Variants in MOCOS observed in about 807,000 individuals in gnomAD.
MOCOS encodes the protein molybdenum cofactor sulfurase.
A neutral mutation model predicts 83.6 loss-of-function variants in MOCOS; 86 were observed. The observed-to-expected ratio is 1.03, with a 90% confidence interval of 0.86 to 1.23. The LOEUF is 1.23. MOCOS is among the 50% of genes most tolerant of loss of function. MOCOS has a pLI of 0.00. For missense variants in MOCOS, 1,120 were observed against 1,126.9 expected, an observed-to-expected ratio of 0.99 and a Z score of 0.09; for synonymous variants, 445 against 434.7, an observed-to-expected ratio of 1.02 and a Z score of -0.29.
At chr18:36,221,655 G>A (rs572849939) in intron 9 of MOCOS, among the ~76,000 whole-genome samples, 75 of 148,402 alleles carry the variant, frequency 5.1e-4, no homozygotes, top group African/African-American at 1.5e-3. Context: ...TTCTGTTCCC[G>A]TGGTTTATTT....
In MOCOS at chr18:36,215,891, G is replaced by A. The variant is rs2091474796; in HGVS notation, c.1711G>A (p.Ala571Thr). 1 of 1,614,096 alleles carries A rather than the reference G, an allele frequency of 6.2e-7. No individual in the cohort carries two copies. Among genetic ancestry groups the A allele is most frequent in the Non-Finnish European group, 8.5e-7 (1 of 1,179,932 alleles). ...AACCCAGCCGACTCCTTCAGAGAAAGCTGCAGGAGTCCTGGAGGGGGCCCT... is the reference window on the plus strand; with the variant it reads ...AACCCAGCCGACTCCTTCAGAGAAAACTGCAGGAGTCCTGGAGGGGGCCCT... ...ARTQPTPSEKAAGVLEGALGP... is the reference protein window; with the variant it reads ...ARTQPTPSEKTAGVLEGALGP... Residue 571 changes from alanine to threonine, a missense_variant, in exon 8 of 15, where the codon GCT (alanine) becomes ACT (threonine). By Grantham distance (58) the Ala-to-Thr change is moderately conservative (BLOSUM62 0). Transcript: ENST00000261326.
In MOCOS at chr18:36,220,052, T is replaced by C. The variant is rs371191766; in HGVS notation, c.1798-3T>C. On this transcript the variant is annotated splice_polypyrimidine_tract_variant and splice_region_variant and intron_variant, in intron 8 of 14. Transcript: ENST00000261326. Reference sequence around the variant, plus strand: ...CCTGAGACACGTCTACCTTTTTGTTTAGGTGACCAGGTGGCCTGTAGGAAA... The same window carrying C: ...CCTGAGACACGTCTACCTTTTTGTTCAGGTGACCAGGTGGCCTGTAGGAAA... 177 of 1,612,696 alleles carry C rather than the reference T, an allele frequency of 1.1e-4. No individual in the cohort carries two copies. The highest frequency in any genetic ancestry group is 1.3e-4 in the Non-Finnish European group (159 of 1,179,986).
chr18:36,217,700 A>G (rs541085747), intron 8 of MOCOS, among the ~76,000 whole-genome samples: 1 of 152,364 alleles, frequency 6.6e-6, no homozygotes, highest in East Asian at 1.9e-4. Context: ...CTGTACTCAG[A>G]GAAAGCACAT....
rs1411583731 is a variant in MOCOS, at chr18:36,229,390, G to A, written c.1960+9173G>A. Among the ~76,000 whole-genome samples the A allele has an allele frequency of 5.3e-5, 8 of 152,048 alleles. No individual in the cohort carries two copies. In the East Asian group the frequency reaches 1.2e-3, roughly 22 times the overall value. ...AAAAATCCACTGATTGTATTATGAGGGTTCCCTTGTATATGACAAGTCAGT... is the reference window on the plus strand; with the variant it reads ...AAAAATCCACTGATTGTATTATGAGAGTTCCCTTGTATATGACAAGTCAGT... On this transcript the variant is annotated intron_variant, in intron 9 of 14. Transcript: ENST00000261326.
At chr18:36,217,051 A>G (rs1378684361) in intron 8 of MOCOS, among the ~76,000 whole-genome samples, 2 of 152,326 alleles carry the variant, frequency 1.3e-5, no homozygotes, top group African/African-American at 4.8e-5. Flanking sequence ...ACTGAAGGAG[A>G]CTAGAGAGAC....
intron 1 of MOCOS, among the ~76,000 whole-genome samples, chr18:36,192,124 A>G (rs1030993135): frequency 6.6e-6 from 1 of 152,238 alleles, no homozygotes; most frequent in Non-Finnish European, 1.5e-5. Context: ...GCAATTAGGC[A>G]AGAAAACAAA....
intron 13 of MOCOS, among the ~76,000 whole-genome samples, chr18:36,265,946 A>G (rs990831219): frequency 6.6e-5 from 10 of 152,196 alleles, no homozygotes; most frequent in African/African-American, 4.8e-5. Context: ...TCTCCACTAT[A>G]TGACGTTAAT....
chr18:36,268,985 C>T lies in MOCOS; in HGVS notation c.*300C>T. 5.4e-6 allele frequency: 2 copies of T among 371,752 alleles called. No individual in the cohort carries two copies. Among genetic ancestry groups the T allele is most frequent in the East Asian group, 5.7e-5 (1 of 17,502 alleles). The allele number at this position is 371,752 out of a possible 1,614,324, so 23.0% of individuals were successfully genotyped here. A position where few individuals can be genotyped will look rare whatever the true frequency, so the allele number is the denominator to read the frequency against. On this transcript the variant is annotated 3_prime_UTR_variant, in exon 15 of 15. Coordinates refer to ENST00000261326, the MANE Select transcript of MOCOS (RefSeq NM_017947.4). The stretch of plus-strand genomic sequence containing the variant: ...ATCAGATGAAATTTTTAATGAAGTT[C>T]ACTGGGAAGATTGAACTTACTGCGG...
intron 9 of MOCOS, among the ~76,000 whole-genome samples, chr18:36,233,853 A>G (rs559851076): frequency 1.3e-5 from 2 of 152,168 alleles, no homozygotes; most frequent in Non-Finnish European, 2.9e-5. Context: ...ATTTCCATTC[A>G]TGTCCTTAGC....
At chr18:36,223,342 A>C (rs1004796306) in intron 9 of MOCOS, among the ~76,000 whole-genome samples, 3 of 152,182 alleles carry the variant, frequency 2.0e-5, no homozygotes, top group Non-Finnish European at 4.4e-5. Flanking sequence ...TTTGTTGAAA[A>C]GACTATCTTT....
chr18:36,239,169 C>T (rs2091571277), intron 9 of MOCOS, among the ~76,000 whole-genome samples: 1 of 151,946 alleles, frequency 6.6e-6, no homozygotes, highest in Non-Finnish European at 1.5e-5. Flanking sequence ...GAATTTGATC[C>T]TGTCATTATG....
At chr18:36,263,543 C>A (rs1311681540) in intron 13 of MOCOS, among the ~76,000 whole-genome samples, 1 of 152,150 alleles carries the variant, frequency 6.6e-6, no homozygotes, top group South Asian at 2.1e-4. Flanking sequence ...GAGATCCCAG[C>A]GAGTGTGTTT....
rs1445151618 is a variant in MOCOS, at chr18:36,195,235, TTTA to T, written c.143-19_143-17del. 6.2e-7 allele frequency: 1 copy of T among 1,604,820 alleles called. No individual in the cohort carries two copies. The highest frequency in any genetic ancestry group is 1.3e-5 in the African/African-American group (1 of 74,864). ...ACCAGATTCAGGTAAAATTTTAGTA[TTTA>T]TTTTGTGTTTTCTTTCAGGAACTGT... On this transcript the variant is annotated intron_variant, in intron 1 of 14. Coordinates refer to ENST00000261326, the MANE Select transcript of MOCOS (RefSeq NM_017947.4).
In MOCOS at chr18:36,266,733, C is replaced by T; in HGVS notation, c.2410-16C>T. 1 of 1,611,762 alleles carries T rather than the reference C, an allele frequency of 6.2e-7. No individual in the cohort carries two copies. The highest frequency in any genetic ancestry group is 8.5e-7 in the Non-Finnish European group (1 of 1,178,188). ...CACTTTTGTGGCAACGCTGTGTTTTCCTTCTCACCTGCCAGGTTTTGGGGC... is the reference window on the plus strand; with the variant it reads ...CACTTTTGTGGCAACGCTGTGTTTTTCTTCTCACCTGCCAGGTTTTGGGGC... On this transcript the variant is annotated splice_polypyrimidine_tract_variant and intron_variant, in intron 13 of 14. Transcript: ENST00000261326.
intron 1 of MOCOS, among the ~76,000 whole-genome samples, chr18:36,188,391 G>A (rs1304810593): frequency 1.3e-5 from 2 of 152,222 alleles, no homozygotes; most frequent in African/African-American, 2.4e-5. Flanking sequence ...TCCTCAGAGC[G>A]GAACAGGCTG....
chr18:36,261,731 A>G lies in MOCOS; in HGVS notation c.2409+1556A>G, dbSNP rs571566414. Among the ~76,000 whole-genome samples, 491 of 152,116 alleles carry G rather than the reference A, an allele frequency of 3.2e-3. 3 individuals carry two copies. Among genetic ancestry groups the G allele is most frequent in the Non-Finnish European group, 4.2e-3 (285 of 67,984 alleles). ...GTCCTACATTCTCTCCCACAAGCCC[A>G]TCTCAGGCACTAGCCCTCCTGCCGT... On this transcript the variant is annotated intron_variant, in intron 13 of 14. Transcript: ENST00000261326.
chr18:36,263,321 G>GAA (rs2091670427), intron 13 of MOCOS, among the ~76,000 whole-genome samples: 1 of 152,160 alleles, frequency 6.6e-6, no homozygotes, highest in Non-Finnish European at 1.5e-5. Context: ...TGTGAATTAG[G>GAA]CCTTTATTGC....
In MOCOS at chr18:36,205,261, C is replaced by A. The variant is rs1375052581; in HGVS notation, c.1203C>A (p.Ile401=). 2 of 1,613,754 alleles carry A rather than the reference C, an allele frequency of 1.2e-6. No individual in the cohort carries two copies. Among genetic ancestry groups the A allele is most frequent in the Non-Finnish European group, 1.7e-6 (2 of 1,179,934 alleles). Residue 401 remains isoleucine, a synonymous_variant, in exon 6 of 15, where the codon ATC becomes ATA. Transcript: ENST00000261326. ...NFNVLDDKGN[I]IGYSQVDKMA... ...ATGTGCTGGATGACAAAGGGAACATCATTGGTTACTCCCAGGTGGGTTTTC... is the reference window on the plus strand; with the variant it reads ...ATGTGCTGGATGACAAAGGGAACATAATTGGTTACTCCCAGGTGGGTTTTC...
chr18:36,253,494 CA>C (rs1351472382), intron 11 of MOCOS, among the ~76,000 whole-genome samples: 4 of 151,926 alleles, frequency 2.6e-5, no homozygotes, highest in African/African-American at 9.7e-5. Context: ...GGTGAAACCC[CA>C]TCTCTACTAA....
Sources: gnomAD v4.1 joint callset for allele counts (sites outside exome capture counted in the v4.1 genomes callset) on GRCh38, gnomAD v4.1.1 for gene constraint, MANE v1.5 for transcripts, NCBI Gene and HGNC (gene_info 2026-07-23, HGNC 2026-07-21) for gene names.